The following ZC3H12A variants were observed in gnomAD, a reference collection of about 807,000 sequenced individuals.
The protein encoded by ZC3H12A is zinc finger CCCH-type containing 12A, also known as endoribonuclease ZC3H12A.
In ZC3H12A, 9 loss-of-function variants were observed where a neutral mutation model predicts 29.9. That is an observed-to-expected ratio of 0.30 (90% CI 0.18 to 0.53). The LOEUF is 0.53. Among genes scored for constraint, ZC3H12A ranks in the 20% least tolerant of loss-of-function variants. The pLI, the probability that ZC3H12A is intolerant of heterozygous loss-of-function variation, is 0.96. For synonymous variants in ZC3H12A, 323 were observed against 338.1 expected (o/e 0.96, Z 0.49); for missense variants, 617 against 799.0 (o/e 0.77, Z 2.75).
chr1:37,479,992 C>T lies in ZC3H12A; in HGVS notation c.444-298C>T, dbSNP rs1641669695. 8.9e-7 allele frequency: 1 copy of T among 1,127,500 alleles called. No individual in the cohort carries two copies. Among genetic ancestry groups the T allele is most frequent in the South Asian group, 3.5e-5 (1 of 28,616 alleles). 69.8% of individuals were successfully genotyped at this position (1,127,500 alleles called of 1,614,324 possible). On this transcript the variant is annotated intron_variant, in intron 2 of 5. Transcript: ENST00000373087. The surrounding 1 kb of genome is among the most constrained non-coding windows in gnomAD (Gnocchi z 4.5). ...AGTGCTGCCAGCTTCCTGGGCGCTT[C>T]CTCACTTTCAGGAGATGGAGCCTCA...
chr1:37,482,707 G>A (rs755809609), intron 5 of ZC3H12A, 30 bp from the exon 6 acceptor site: 2 of 1,612,790 alleles, frequency 1.2e-6, no homozygotes, highest in Non-Finnish European at 1.7e-6. Context: ...AAGTGCCCCT[G>A]CTTAGAGTCC....
Position 37,479,954 on chromosome 1 carries a change from C to T in ZC3H12A, c.444-336C>T. ...TGTTGCAAGTGGCCTGGCCCTCCCCCACCGTGGGGAGCAGTGCTGCCAGCT... is the reference window on the plus strand; with the variant it reads ...TGTTGCAAGTGGCCTGGCCCTCCCCTACCGTGGGGAGCAGTGCTGCCAGCT... On this transcript the variant is annotated intron_variant, in intron 2 of 5. Coordinates refer to ENST00000373087, the MANE Select transcript of ZC3H12A (RefSeq NM_025079.3). The surrounding 1 kb of genome is among the most constrained non-coding windows in gnomAD (Gnocchi z 4.5). 1 of 1,068,854 alleles carries T rather than the reference C, an allele frequency of 9.4e-7. No homozygotes were observed. The highest frequency in any genetic ancestry group is 3.6e-5 in the South Asian group (1 of 27,776). 66.2% of individuals were successfully genotyped at this position (1,068,854 alleles called of 1,614,324 possible).
chr1:37,475,504 GCC>G lies in ZC3H12A; in HGVS notation c.11_12del (p.Pro4LeufsTer19), dbSNP rs1270613654. On this transcript the variant is annotated frameshift_variant, in exon 2 of 6. Coordinates refer to ENST00000373087, the MANE Select transcript of ZC3H12A (RefSeq NM_025079.3). LOFTEE classifies it high-confidence loss of function. The surrounding 1 kb of genome is among the most constrained non-coding windows in gnomAD (Gnocchi z 5.2). The stretch of plus-strand genomic sequence containing the variant: ...CTTCCAGGAGTCTGAGCTATGAGTG[GCC>G]CCTGTGGAGAGAAGCCTGTCCTGGA... The G allele has an allele frequency of 6.2e-7, 1 of 1,604,354 alleles. No individual in the cohort carries two copies. The highest frequency in any genetic ancestry group is 2.2e-5 in the East Asian group (1 of 44,750).
In ZC3H12A at chr1:37,484,219, C is replaced by T. The variant is rs1367200020; in HGVS notation, c.*608C>T. 6.6e-6 allele frequency: 1 copy of T among 152,424 alleles called. No homozygotes were observed. The highest frequency in any genetic ancestry group is 1.5e-5 in the Non-Finnish European group (1 of 68,176). The allele number at this position is 152,424 out of a possible 1,614,324, so 9.4% of individuals were successfully genotyped here. On this transcript the variant is annotated 3_prime_UTR_variant, in exon 6 of 6. Transcript: ENST00000373087. ...AAGGGCCCTCCGTCTACACCCTCTT[C>T]TTCTCCTCCATCCTTTATTCAGAGT...
Position 37,482,440 on chromosome 1 carries a change from G to T in ZC3H12A, c.825G>T (p.Met275Ile), listed in dbSNP as rs1443303608. The change falls in exon 5 of 6, where the codon ATG (methionine) becomes ATT (isoleucine). Residue 275 changes from methionine to isoleucine, a missense_variant. By Grantham distance (10) the Met-to-Ile change is conservative. Coordinates refer to ENST00000373087, the MANE Select transcript of ZC3H12A (RefSeq NM_025079.3). ...TTCTTTGCACCCTCTGCAGGTTTAT[G>T]CCCCCTGATGACCCACTGGGCCGGC... ...LMYSFVNDKF[M>I]PPDDPLGRHG... The T allele has an allele frequency of 1.2e-6, 2 of 1,612,530 alleles. No individual in the cohort carries two copies. Among genetic ancestry groups the T allele is most frequent in the African/African-American group, 2.7e-5 (2 of 74,868 alleles).
chr1:37,483,462 AAGG>A lies in ZC3H12A; in HGVS notation c.1654_1656del (p.Glu552del). On this transcript the variant is annotated inframe_deletion, in exon 6 of 6. Coordinates refer to ENST00000373087, the MANE Select transcript of ZC3H12A (RefSeq NM_025079.3). ...GTGGGGCAGGGCAGGCAGCCTGGCC[AAGG>A]AGCAGGCCAGCGTGTATACTAAGCT... is the stretch of plus-strand genomic sequence containing the variant. The A allele has an allele frequency of 6.2e-7, 1 of 1,614,002 alleles. No individual in the cohort carries two copies. The highest frequency in any genetic ancestry group is 8.5e-7 in the Non-Finnish European group (1 of 1,179,932).
At position 37,479,139 on chromosome 1, in the gene ZC3H12A, A is replaced by G; in HGVS notation, c.444-1151A>G. 1.0e-6 allele frequency: 1 copy of G among 985,352 alleles called. No individual in the cohort carries two copies. The highest frequency in any genetic ancestry group is 1.2e-6 in the Non-Finnish European group (1 of 829,904). 61.0% of individuals were successfully genotyped at this position (985,352 alleles called of 1,614,324 possible). A position where few individuals can be genotyped will look rare whatever the true frequency, so the allele number is the denominator to read the frequency against. On this transcript the variant is annotated intron_variant, in intron 2 of 5. Coordinates refer to ENST00000373087, the MANE Select transcript of ZC3H12A (RefSeq NM_025079.3). The surrounding 1 kb of genome is among the most constrained non-coding windows in gnomAD (Gnocchi z 4.5). ...TATTCTGTTTTATTTGCCAAATACGAGAGTCTAAGCTGTTCACTGAGGGGG... is the reference window on the plus strand; with the variant it reads ...TATTCTGTTTTATTTGCCAAATACGGGAGTCTAAGCTGTTCACTGAGGGGG...
In ZC3H12A at chr1:37,483,370, C is replaced by T; in HGVS notation, c.1559C>T (p.Pro520Leu). The change falls in exon 6 of 6, where the codon CCA becomes CTA. Residue 520 changes from proline to leucine, a missense_variant. Physicochemically the swap from Pro to Leu is moderately conservative, Grantham distance 98 (BLOSUM62 -3). Coordinates refer to ENST00000373087, the MANE Select transcript of ZC3H12A (RefSeq NM_025079.3). ...CGAGAGTACTGGTCTGAACCATACC[C>T]ACTGCCCCCACCCACATCAGTCCTT... Reference protein sequence around the residue: ...PPREYWSEPYPLPPPTSVLQE... With the variant: ...PPREYWSEPYLLPPPTSVLQE... 2 of 1,614,146 alleles carry T rather than the reference C, an allele frequency of 1.2e-6. No homozygotes were observed. The highest frequency in any genetic ancestry group is 1.7e-6 in the Non-Finnish European group (2 of 1,180,016).
Position 37,479,620 on chromosome 1 carries a change from T to C in ZC3H12A, c.444-670T>C, listed in dbSNP as rs1209180494. 4.1e-6 allele frequency: 4 copies of C among 985,336 alleles called. No homozygotes were observed. The highest frequency in any genetic ancestry group is 3.6e-6 in the Non-Finnish European group (3 of 829,948). The allele number at this position is 985,336 out of a possible 1,614,324, so 61.0% of individuals were successfully genotyped here. On this transcript the variant is annotated intron_variant, in intron 2 of 5. Coordinates refer to ENST00000373087, the MANE Select transcript of ZC3H12A (RefSeq NM_025079.3). This position sits in a 1 kb window ranked among gnomAD's most constrained non-coding sequence, Gnocchi z 4.5. ...TTTCACTTTCAGACTGAAAGGCTCC[T>C]GGGGAACTTGCTTCACTCCGGCGCT...
At position 37,477,094 on chromosome 1, in the gene ZC3H12A, G is replaced by A. The variant is rs576850780; in HGVS notation, c.443+1155G>A. Among the ~76,000 whole-genome samples the A allele has an allele frequency of 6.6e-4, 100 of 152,336 alleles. 1 individual carries two copies. The highest frequency in any genetic ancestry group is 2.1e-3 in the African/African-American group (89 of 41,564). ...AGTCTTCCTCTCTCTGACTTGGGCT[G>A]AGCCTGGATGGGAGGCTGAGAAAAT... On this transcript the variant is annotated intron_variant, in intron 2 of 5. Coordinates refer to ENST00000373087, the MANE Select transcript of ZC3H12A (RefSeq NM_025079.3).
rs1446370233 is a variant in ZC3H12A, at chr1:37,474,591, C to T, written c.-77C>T. On this transcript the variant is annotated 5_prime_UTR_variant, in exon 1 of 6. Coordinates refer to ENST00000373087, the MANE Select transcript of ZC3H12A (RefSeq NM_025079.3). ...CCGTCCTTACCCCCAGGACTCGGCC[C>T]CATGGAGACGCCGCCGGCCGCCGCT... 1.3e-5 allele frequency: 2 copies of T among 152,042 alleles called. No homozygotes were observed. Among genetic ancestry groups the T allele is most frequent in the African/African-American group, 2.4e-5 (1 of 41,412 alleles). 9.4% of individuals were successfully genotyped at this position (152,042 alleles called of 1,614,324 possible).
rs770778300 is a variant in ZC3H12A, at chr1:37,481,701, C to G, written c.684C>G (p.Phe228Leu). The G allele has an allele frequency of 1.2e-6, 2 of 1,614,240 alleles. No homozygotes were observed. The highest frequency in any genetic ancestry group is 1.1e-5 in the South Asian group (1 of 91,086). The stretch of plus-strand genomic sequence containing the variant: ...GGGTGGTGTGCTATGACGACAGATT[C>G]ATTGTGAAGCTGGCCTACGAGTCTG... ...GKRVVCYDDRFIVKLAYESDG... is the reference protein window; with the variant it reads ...GKRVVCYDDRLIVKLAYESDG... Residue 228 changes from phenylalanine to leucine, a missense_variant, in exon 4 of 6, where the codon TTC (phenylalanine) becomes TTG (leucine). Physicochemically the swap from Phe to Leu is conservative, Grantham distance 22. Around this residue, in one of 5 missense-constraint regions of ZC3H12A, gnomAD observed 255 missense variants for 402.5 expected, o/e 0.63. Transcript: ENST00000373087.
At position 37,476,341 on chromosome 1, in the gene ZC3H12A, G is replaced by C. The variant is rs571607524; in HGVS notation, c.443+402G>C. Reference sequence around the variant, plus strand: ...GTGCGGATCCCGGAGAGGAGCAAGCGTTCAGGAACCATAGTAGTGGTAGTA... The same window carrying C: ...GTGCGGATCCCGGAGAGGAGCAAGCCTTCAGGAACCATAGTAGTGGTAGTA... On this transcript the variant is annotated intron_variant, in intron 2 of 5. Coordinates refer to ENST00000373087, the MANE Select transcript of ZC3H12A (RefSeq NM_025079.3). This position sits in a 1 kb window ranked among gnomAD's most constrained non-coding sequence, Gnocchi z 6.0. 1.2e-4 allele frequency among the ~76,000 whole-genome samples: 18 copies of C among 152,196 alleles called. No homozygotes were observed. The highest frequency in any genetic ancestry group is 2.4e-4 in the Non-Finnish European group (16 of 68,036).
chr1:37,480,890 G>A (rs1182388792), intron 3 of ZC3H12A, among the ~76,000 whole-genome samples: 1 of 152,230 alleles, frequency 6.6e-6, no homozygotes, highest in Non-Finnish European at 1.5e-5. Flanking sequence ...TTCCTCGTGA[G>A]GTCATATAAG....
intron 4 of ZC3H12A, 58 bp from the exon 5 acceptor site, chr1:37,482,376 G>A (rs746375641): frequency 6.9e-7 from 1 of 1,449,748 alleles, no homozygotes; most frequent in Non-Finnish European, 9.5e-7. Context: ...CCCCTTCTCA[G>A]CAATTAGAAG....
chr1:37,476,388 T>C lies in ZC3H12A; in HGVS notation c.443+449T>C, dbSNP rs1641592105. On this transcript the variant is annotated intron_variant, in intron 2 of 5. Coordinates refer to ENST00000373087, the MANE Select transcript of ZC3H12A (RefSeq NM_025079.3). This position sits in a 1 kb window ranked among gnomAD's most constrained non-coding sequence, Gnocchi z 6.0. ...AGTAGGCAGTGGTAGTAGCAGTTGT[T>C]GTTGTTATTTCAGGGGCTGGGCTTC... is the stretch of plus-strand genomic sequence containing the variant. 6.6e-6 allele frequency among the ~76,000 whole-genome samples: 1 copy of C among 152,130 alleles called. No homozygotes were observed. The highest frequency in any genetic ancestry group is 2.1e-4 in the South Asian group (1 of 4,828).
intron 2 of ZC3H12A, among the ~76,000 whole-genome samples, chr1:37,477,221 T>C (rs913492616): frequency 6.6e-6 from 1 of 152,142 alleles, no homozygotes; most frequent in African/African-American, 2.4e-5. Context: ...AGGAGCTAGG[T>C]TGGATCTGTG....
In ZC3H12A at chr1:37,476,989, G is replaced by T. The variant is rs2148041297; in HGVS notation, c.443+1050G>T. On this transcript the variant is annotated intron_variant, in intron 2 of 5. Transcript: ENST00000373087. This position sits in a 1 kb window ranked among gnomAD's most constrained non-coding sequence, Gnocchi z 6.0. ...CTAATTTGTGGCCCCTGTGGGACAA[G>T]TTCACTGTCCAGCTGGCCCTGGCCC... 6.6e-6 allele frequency among the ~76,000 whole-genome samples: 1 copy of T among 152,348 alleles called. No homozygotes were observed. The highest frequency in any genetic ancestry group is 2.4e-5 in the African/African-American group (1 of 41,582).
Position 37,477,489 on chromosome 1 carries a change from C to G in ZC3H12A, c.443+1550C>G, listed in dbSNP as rs576663926. ...ACTCGGTTCCTGCCCGGCCACCCCCCCTCCCCAGGGGCAGGCGGGCTAGCC... is the reference window on the plus strand; with the variant it reads ...ACTCGGTTCCTGCCCGGCCACCCCCGCTCCCCAGGGGCAGGCGGGCTAGCC... On this transcript the variant is annotated intron_variant, in intron 2 of 5. Coordinates refer to ENST00000373087, the MANE Select transcript of ZC3H12A (RefSeq NM_025079.3). Among the ~76,000 whole-genome samples the G allele has an allele frequency of 1.4e-4, 21 of 152,286 alleles. No homozygotes were observed. In the South Asian group the frequency reaches 1.7e-3, roughly 12 times the overall value.
Sources: gnomAD v4.1 joint callset for allele counts (sites outside exome capture counted in the v4.1 genomes callset) on GRCh38, gnomAD v4.1.1 for gene constraint, gnomAD v4.1.1 regional missense constraint, Gnocchi (gnomAD v3.1) non-coding constraint, MANE v1.5 for transcripts, NCBI Gene and HGNC (gene_info 2026-07-23, HGNC 2026-07-21) for gene names.